ZNF724: variants seen among roughly 807,000 people sequenced by gnomAD.
The protein encoded by ZNF724 is zinc finger protein 724 pseudogene.
In ZNF724, 14 loss-of-function variants were observed where a neutral mutation model predicts 29.3. The observed-to-expected ratio is 0.48, with a 90% CI of 0.32 to 0.75. The LOEUF is 0.75. ZNF724 is among the 30% of genes least tolerant of loss of function. The probability of loss-of-function intolerance (pLI) is 0.04; values close to 1 mark genes in which losing one functional copy is unlikely to be tolerated. For missense variants in ZNF724, 557 were observed against 571.2 expected, an observed-to-expected ratio of 0.98 and a Z score of 0.25; for synonymous variants, 180 against 193.6, an observed-to-expected ratio of 0.93 and a Z score of 0.58.
chr19:23,250,363 C>A lies in ZNF724; in HGVS notation c.-121G>T. ...GGACACAAAGCAGGGAAGACGAGAC[C>A]AAGCGCTCCAGCTGCAGCGAGAGAC... is the stretch of plus-strand genomic sequence containing the variant. On this transcript the variant is annotated 5_prime_UTR_variant, in exon 1 of 4. Transcript: ENST00000418100. 2.1e-6 allele frequency: 1 copy of A among 486,550 alleles called. No homozygotes were observed. The highest frequency in any genetic ancestry group is 1.6e-5 in the South Asian group (1 of 63,272). The allele number at this position is 486,550 out of a possible 1,614,324, so 30.1% of individuals were successfully genotyped here. A position where few individuals can be genotyped will look rare whatever the true frequency, so the allele number is the denominator to read the frequency against.
At chr19:23,240,828 T>C (rs1231790435) in intron 1 of ZNF724, among the ~76,000 whole-genome samples, 2 of 151,098 alleles carry the variant, frequency 1.3e-5, no homozygotes, top group East Asian at 3.9e-4. Context: ...GGTCAGGAGT[T>C]CAAAACCAGC....
chr19:23,227,573 A>AAC (rs1971859795), intron 3 of ZNF724, among the ~76,000 whole-genome samples: 1 of 150,214 alleles, frequency 6.7e-6, no homozygotes, highest in African/African-American at 2.4e-5. Flanking sequence ...AAAAAAAACA[A>AAC]AAAAAAACAA....
At chr19:23,234,040 T>C (rs1041470794) in intron 1 of ZNF724, among the ~76,000 whole-genome samples, 3 of 152,006 alleles carry the variant, frequency 2.0e-5, no homozygotes, top group Admixed American at 1.3e-4. Flanking sequence ...TTTCCTGTCC[T>C]TAGGTACCCT....
chr19:23,223,062 TG>T lies in ZNF724; in HGVS notation c.1182del (p.Tyr394Ter). 7.7e-7 allele frequency: 1 copy of T among 1,292,562 alleles called. No homozygotes were observed. Among genetic ancestry groups the T allele is most frequent in the Non-Finnish European group, 1.1e-6 (1 of 888,188 alleles). The allele number at this position is 1,292,562 out of a possible 1,614,324, so 80.1% of individuals were successfully genotyped here. On this transcript the variant is annotated frameshift_variant, in exon 4 of 4. Transcript: ENST00000418100. LOFTEE classifies it high-confidence loss of function. ...HKRIHTGEKP[Y>X]KCEECGKAFN... is the part of the protein sequence containing the mutation. ...AAGGCTTTGCCACATTCTTCACATT[TG>T]TATGGTTTTTCTCCAGTATGAATTC...
chr19:23,239,473 T>C (rs1200387438), intron 1 of ZNF724, among the ~76,000 whole-genome samples: 1 of 152,156 alleles, frequency 6.6e-6, no homozygotes, highest in East Asian at 1.9e-4. Context: ...GAATGACTTT[T>C]GGGTAAATAA....
intron 1 of ZNF724, among the ~76,000 whole-genome samples, chr19:23,242,981 G>C (rs1388436303): frequency 6.8e-6 from 1 of 146,166 alleles, no homozygotes; most frequent in African/African-American, 2.5e-5. Context: ...GGAAGTTGCA[G>C]TGAGCCAAGA....
In ZNF724 at chr19:23,222,749, A is replaced by G; in HGVS notation, c.1496T>C (p.Ile499Thr). The G allele has an allele frequency of 1.4e-6, 2 of 1,406,356 alleles. No individual in the cohort carries two copies. Among genetic ancestry groups the G allele is most frequent in the Non-Finnish European group, 2.0e-6 (2 of 999,760 alleles). 87.1% of individuals were successfully genotyped at this position (1,406,356 alleles called of 1,614,324 possible). A position where few individuals can be genotyped will look rare whatever the true frequency, so the allele number is the denominator to read the frequency against. ...LSSHLTTHKK[I>T]HTGEKPYKCK... ...TTTGTAGGGTTTCTCTCCAGTATGA[A>G]TTTTCTTATGTGTTGTAAGGTGTGA... Residue 499 changes from isoleucine to threonine, a missense_variant, in exon 4 of 4, where the codon ATT becomes ACT. Ile to Thr is a moderately conservative substitution (Grantham distance 89, BLOSUM62 -1). Transcript: ENST00000418100.
At chr19:23,241,008 G>T (rs1972114429) in intron 1 of ZNF724, among the ~76,000 whole-genome samples, 1 of 151,766 alleles carries the variant, frequency 6.6e-6, no homozygotes, top group Non-Finnish European at 1.5e-5. Context: ...ACTCCAACCT[G>T]GGCAACAGAG....
intron 1 of ZNF724, among the ~76,000 whole-genome samples, chr19:23,247,138 G>A (rs377432884): frequency 2.6e-4 from 40 of 152,176 alleles, no homozygotes; most frequent in East Asian, 2.3e-3. Context: ...AAGGAGAATC[G>A]CTTGAACCTG....
At chr19:23,235,753 C>G (rs539620171) in intron 1 of ZNF724, among the ~76,000 whole-genome samples, 2 of 152,218 alleles carry the variant, frequency 1.3e-5, no homozygotes, top group African/African-American at 4.8e-5. Flanking sequence ...TGGCTGGAAC[C>G]ATATGTGTTC....
At chr19:23,232,571 G>T (rs564961042) in intron 1 of ZNF724, among the ~76,000 whole-genome samples, 304 of 152,208 alleles carry the variant, frequency 2.0e-3, no homozygotes, top group South Asian at 6.6e-3. Context: ...GTACATTCTG[G>T]AGTGCTATAT....
chr19:23,242,011 A>C (rs1972132217), intron 1 of ZNF724, among the ~76,000 whole-genome samples: 1 of 152,196 alleles, frequency 6.6e-6, no homozygotes, highest in Non-Finnish European at 1.5e-5. Context: ...TGCTCTATAA[A>C]CTGACAACTT....
intron 3 of ZNF724, among the ~76,000 whole-genome samples, chr19:23,224,609 A>G (rs554955146): frequency 2.0e-5 from 3 of 152,104 alleles, no homozygotes; most frequent in African/African-American, 4.8e-5. Context: ...AAAGTCTGTT[A>G]TATTTACCTA....
In ZNF724 at chr19:23,222,578, T is replaced by C. The variant is rs1301460779; in HGVS notation, c.1667A>G (p.His556Arg). 1 of 1,385,040 alleles carries C rather than the reference T, an allele frequency of 7.2e-7. No homozygotes were observed. The highest frequency in any genetic ancestry group is 1.0e-6 in the Non-Finnish European group (1 of 973,286). 85.8% of individuals were successfully genotyped at this position (1,385,040 alleles called of 1,614,324 possible). ...ACATTTGTAGGGTTTCTCTCCAGTATGAATTATCTTATGTTGAGTAAGGTT... is the reference window on the plus strand; with the variant it reads ...ACATTTGTAGGGTTTCTCTCCAGTACGAATTATCTTATGTTGAGTAAGGTT... ...YSNLTQHKII[H>R]TGEKPYKCEE... Residue 556 changes from histidine to arginine, a missense_variant, in exon 4 of 4, where the codon CAT (histidine) becomes CGT (arginine). Transcript: ENST00000418100.
Position 23,222,447 on chromosome 19 carries a change from TAA to T in ZNF724, c.1796_1797del (p.Phe599Ter). On this transcript the variant is annotated frameshift_variant, in exon 4 of 4. Coordinates refer to ENST00000418100, the MANE Select transcript of ZNF724 (RefSeq NM_001355404.2). LOFTEE classifies it high-confidence loss of function. ...PYKCKECGKAFNQCSNLTTHK... is the reference protein window; with the variant it reads ...PYKCKECGKAXNQCSNLTTHK... ...TGTGTAGTAAGGTTTGAGCATTGGT[TAA>T]AAGCTTTGCCACATTCTTTACATTT... 7.8e-7 allele frequency: 1 copy of T among 1,284,082 alleles called. No individual in the cohort carries two copies. The highest frequency in any genetic ancestry group is 1.1e-6 in the Non-Finnish European group (1 of 881,054). The allele number at this position is 1,284,082 out of a possible 1,614,324, so 79.5% of individuals were successfully genotyped here. A position where few individuals can be genotyped will look rare whatever the true frequency, so the allele number is the denominator to read the frequency against.
chr19:23,222,625 G>A lies in ZNF724; in HGVS notation c.1620C>T (p.Gly540=). 1 of 1,358,250 alleles carries A rather than the reference G, an allele frequency of 7.4e-7. No individual in the cohort carries two copies. The highest frequency in any genetic ancestry group is 1.2e-5 in the South Asian group (1 of 84,884). The allele number at this position is 1,358,250 out of a possible 1,614,324, so 84.1% of individuals were successfully genotyped here. ...GGTTTGAGTATTGGTAAAAAGCTTT[G>A]CCACATTCTTCACATTTGTAGGGTT... ...GEKPYKCEEC[G]KAFYQYSNLT... Residue 540 remains glycine, a synonymous_variant, in exon 4 of 4, where the codon GGC becomes GGT. Transcript: ENST00000418100.
rs1211941450 is a variant in ZNF724, at chr19:23,223,235, G to A, written c.1010C>T (p.Pro337Leu). 1 of 935,616 alleles carries A rather than the reference G, an allele frequency of 1.1e-6. No individual in the cohort carries two copies. The allele number at this position is 935,616 out of a possible 1,614,324, so 58.0% of individuals were successfully genotyped here. A position where few individuals can be genotyped will look rare whatever the true frequency, so the allele number is the denominator to read the frequency against. Residue 337 changes from proline to leucine, a missense_variant, in exon 4 of 4, where the codon CCT becomes CTT. Transcript: ENST00000418100. ...KHKRIHTGDK[P>L]YKCEECGKAF... ...TTTGCCACATTCTTCACATTTATAA[G>A]GTTTATCACCAGTATGAATTCTCTT...
Position 23,223,538 on chromosome 19 carries a change from T to G in ZNF724, c.707A>C (p.Asn236Thr). Residue 236 changes from asparagine to threonine, a missense_variant, in exon 4 of 4, where the codon AAC becomes ACC. Physicochemically the swap from Asn to Thr is moderately conservative, Grantham distance 65. Coordinates refer to ENST00000418100, the MANE Select transcript of ZNF724 (RefSeq NM_001355404.2). ...YKCEECGIAF[N>T]KSSHLNTHKI... ...ATGTGTGTTAAGGTGTGAGGACTTG[T>G]TAAAGGCTATGCCACATTCTTCACA... The G allele has an allele frequency of 2.7e-6, 2 of 737,316 alleles. No homozygotes were observed. Among genetic ancestry groups the G allele is most frequent in the South Asian group, 1.4e-5 (1 of 70,334 alleles). 45.7% of individuals were successfully genotyped at this position (737,316 alleles called of 1,614,324 possible).
In ZNF724 at chr19:23,222,390, T is replaced by C. The variant is rs999159046; in HGVS notation, c.1855A>G (p.Lys619Glu). Residue 619 changes from lysine to glutamate, a missense_variant, in exon 4 of 4, where the codon AAA becomes GAA. By Grantham distance (56) the Lys-to-Glu change is moderately conservative. Around this residue, in one of 3 missense-constraint regions of ZNF724, gnomAD observed 170 missense variants for 220.7 expected, o/e 0.77. Transcript: ENST00000418100. ...CCACGCCTGGTCCATTTTTCTTATTTGTCAGATTTTTCTACAGCATGAATT... is the reference window on the plus strand; with the variant it reads ...CCACGCCTGGTCCATTTTTCTTATTCGTCAGATTTTTCTACAGCATGAATT... The part of the protein sequence containing the change: ...KKIHAVEKSD[K>E] 3.6e-6 allele frequency: 4 copies of C among 1,121,572 alleles called. No homozygotes were observed. The highest frequency in any genetic ancestry group is 1.5e-5 in the African/African-American group (1 of 65,200). 69.5% of individuals were successfully genotyped at this position (1,121,572 alleles called of 1,614,324 possible).
Sources: gnomAD v4.1 joint callset for allele counts (sites outside exome capture counted in the v4.1 genomes callset) on GRCh38, gnomAD v4.1.1 for gene constraint, gnomAD v4.1.1 regional missense constraint, MANE v1.5 for transcripts, NCBI Gene and HGNC (gene_info 2026-07-23, HGNC 2026-07-21) for gene names.